Variants in PRKCH observed in about 807,000 individuals in gnomAD.
PRKCH encodes the protein protein kinase C eta.
Under a neutral mutation model 82.5 loss-of-function variants are expected in PRKCH, and 28 were observed. The ratio of observed to expected loss-of-function variants is 0.34; its 90% CI spans 0.25 to 0.47. PRKCH has a LOEUF of 0.47. Ranked by LOEUF, PRKCH falls within the 20% of genes least tolerant of loss-of-function variation. The probability of loss-of-function intolerance (pLI) is 1.00; values close to 1 mark genes in which losing one functional copy is unlikely to be tolerated. For missense variants in PRKCH, 705 were observed against 881.8 expected (o/e 0.80, Z 2.54); for synonymous variants, 322 against 327.4 (o/e 0.98, Z 0.18).
chr14:61,227,987 A>G (rs1337501497), intron 1 of PRKCH, among the ~76,000 whole-genome samples: 1 of 152,208 alleles, frequency 6.6e-6, no homozygotes, highest in Non-Finnish European at 1.5e-5. Context: ...AATACCTTCC[A>G]GGTTTCCATC....
chr14:61,494,522 TGCTGAATGCCCCTAGCCCTTTG>T (rs1325487571), intron 10 of PRKCH, among the ~76,000 whole-genome samples: 1 of 152,244 alleles, frequency 6.6e-6, no homozygotes, highest in East Asian at 1.9e-4. Flanking sequence ...GTGGGCAGGT[TGCTGAATGCCCCTAGCCCTTTG>T]GCCCATCTGT....
At chr14:61,436,271 CCTT>C (rs1336569355) in intron 2 of PRKCH, among the ~76,000 whole-genome samples, 2 of 152,120 alleles carry the variant, frequency 1.3e-5, no homozygotes, top group African/African-American at 2.4e-5. Context: ...ATTTTCCTCT[CCTT>C]CTTTTGCCAT....
chr14:61,349,994 G>A (rs943019235), intron 1 of PRKCH, among the ~76,000 whole-genome samples: 2 of 152,188 alleles, frequency 1.3e-5, no homozygotes, highest in Non-Finnish European at 2.9e-5. Context: ...GGCATAACTT[G>A]GATATATAGG....
chr14:61,374,116 A>G (rs185531521), intron 1 of PRKCH, among the ~76,000 whole-genome samples: 52 of 152,272 alleles, frequency 3.4e-4, no homozygotes, highest in African/African-American at 1.2e-3. Flanking sequence ...GCCCCATGCA[A>G]GTCCAAAACC....
At chr14:61,188,297 C>T (rs544135204) in intron 1 of PRKCH, among the ~76,000 whole-genome samples, 1 of 152,166 alleles carries the variant, frequency 6.6e-6, no homozygotes. Flanking sequence ...CTTTCTGTGC[C>T]TGTCAAGGCA....
At chr14:61,513,648 T>C (rs2042779472) in intron 10 of PRKCH, among the ~76,000 whole-genome samples, 1 of 152,098 alleles carries the variant, frequency 6.6e-6, no homozygotes, top group African/African-American at 2.4e-5. Flanking sequence ...AATTTCCAAA[T>C]ACATATAAAA....
At chr14:61,431,233 G>A (rs1301843609) in intron 2 of PRKCH, among the ~76,000 whole-genome samples, 1 of 152,112 alleles carries the variant, frequency 6.6e-6, no homozygotes, top group Non-Finnish European at 1.5e-5. Context: ...CTGTACATGC[G>A]GCCCTTCCCA....
In PRKCH at chr14:61,199,771, C is replaced by G. The variant is rs1188808068; in HGVS notation, c.-19+12103C>G. Among the ~76,000 whole-genome samples the G allele has an allele frequency of 2.6e-5, 4 of 152,302 alleles. No homozygotes were observed. The East Asian group carries it at 7.7e-4, about 29-fold the overall frequency. On this transcript the variant is annotated intron_variant, in intron 1 of 3. Transcript: ENST00000555185. ...GGAGCGCTTACCTCTATTATTATAT[C>G]TCCCCCTCCCCTTTGGTCTTCAGGA...
chr14:61,375,325 A>G (rs1235333110), intron 1 of PRKCH, among the ~76,000 whole-genome samples: 1 of 151,966 alleles, frequency 6.6e-6, no homozygotes, highest in African/African-American at 2.4e-5. Context: ...AAGCTTTCCC[A>G]TATCTCCCTG....
chr14:61,273,251 T>G (rs1286850918), intron 1 of PRKCH, among the ~76,000 whole-genome samples: 1 of 152,166 alleles, frequency 6.6e-6, no homozygotes, highest in Non-Finnish European at 1.5e-5. Flanking sequence ...AAAATATTAT[T>G]TATGGCTTTA....
At chr14:61,421,942 G>A (rs1481346861) in intron 2 of PRKCH, among the ~76,000 whole-genome samples, 5 of 152,154 alleles carry the variant, frequency 3.3e-5, no homozygotes, top group Non-Finnish European at 7.4e-5. Context: ...GAGAGGAGAG[G>A]AAGAAAGAGA....
chr14:61,542,743 C>T (rs776216489), intron 12 of PRKCH, among the ~76,000 whole-genome samples: 1 of 152,116 alleles, frequency 6.6e-6, no homozygotes, highest in African/African-American at 2.4e-5. Context: ...GATGGACTTA[C>T]AAGTTTGGCA....
intron 9 of PRKCH, among the ~76,000 whole-genome samples, chr14:61,468,252 C>T (rs1212898842): frequency 1.3e-5 from 2 of 152,166 alleles, no homozygotes; most frequent in Admixed American, 6.5e-5. Context: ...TGCAGTTTGC[C>T]TTTGGCTCAG....
chr14:61,444,905 T>A (rs1884148480), intron 3 of PRKCH, among the ~76,000 whole-genome samples: 1 of 152,236 alleles, frequency 6.6e-6, no homozygotes, highest in Non-Finnish European at 1.5e-5. Context: ...TTATCATTAG[T>A]CCCTTTTATG....
At chr14:61,349,578 A>C (rs2046043387) in intron 1 of PRKCH, among the ~76,000 whole-genome samples, 1 of 152,098 alleles carries the variant, frequency 6.6e-6, no homozygotes, top group Non-Finnish European at 1.5e-5. Context: ...GTCACCTTAG[A>C]AATGCTGTTC....
intron 2 of PRKCH, among the ~76,000 whole-genome samples, chr14:61,394,304 G>C (rs2046735096): frequency 6.6e-6 from 1 of 152,002 alleles, no homozygotes; most frequent in South Asian, 2.1e-4. Flanking sequence ...TTGGGGGGGT[G>C]TTCTGCCTGC....
In PRKCH at chr14:61,249,956, T is replaced by C. The variant is rs1036429306; in HGVS notation, c.-19+62288T>C. On this transcript the variant is annotated intron_variant, in intron 1 of 3. Coordinates refer to the PRKCH transcript ENST00000555185. Reference sequence around the variant, plus strand: ...TTTACCCAAATGTATTGAAAACTTATGTCCACAAAAAAAATCTGCATGGCT... The same window carrying C: ...TTTACCCAAATGTATTGAAAACTTACGTCCACAAAAAAAATCTGCATGGCT... Among the ~76,000 whole-genome samples, 17 of 151,222 alleles carry C rather than the reference T, an allele frequency of 1.1e-4. No individual in the cohort carries two copies. In the South Asian group the frequency reaches 1.5e-3, roughly 13 times the overall value.
intron 1 of PRKCH, among the ~76,000 whole-genome samples, chr14:61,258,060 C>T (rs981089558): frequency 1.3e-5 from 2 of 152,056 alleles, no homozygotes; most frequent in African/African-American, 2.4e-5. Flanking sequence ...CTGCCATGGG[C>T]ACTTTAGCCA....
intron 1 of PRKCH, among the ~76,000 whole-genome samples, chr14:61,261,177 T>C (rs2140079795): frequency 6.6e-6 from 1 of 152,326 alleles, no homozygotes; most frequent in African/African-American, 2.4e-5. Flanking sequence ...AACTAAACTG[T>C]TGCCGTCACC....
Sources: allele counts gnomAD v4.1 joint callset (sites outside exome capture counted in the v4.1 genomes callset), GRCh38; gene constraint gnomAD v4.1.1; transcripts MANE v1.5; gene names NCBI Gene and HGNC (gene_info 2026-07-23, HGNC 2026-07-21).